PPP1R13B: variants seen among roughly 807,000 people sequenced by gnomAD.
The protein encoded by PPP1R13B is protein phosphatase 1 regulatory subunit 13B, also known as apoptosis-stimulating of p53 protein 1.
A neutral mutation model predicts 119.8 loss-of-function variants in PPP1R13B; 44 were observed. That is an observed-to-expected ratio of 0.37 (90% confidence interval 0.29 to 0.47). The LOEUF (loss-of-function observed/expected upper bound fraction) is 0.47. PPP1R13B is among the 20% of genes least tolerant of loss of function. The probability of loss-of-function intolerance (pLI) is 0.99; values close to 1 mark genes in which losing one functional copy is unlikely to be tolerated. For synonymous variants in PPP1R13B, 542 were observed against 561.5 expected (o/e 0.97, Z 0.49); for missense variants, 1,227 against 1,413.5 (o/e 0.87, Z 2.12).
intron 4 of PPP1R13B, among the ~76,000 whole-genome samples, chr14:103,766,061 C>A (rs568899959): frequency 6.6e-6 from 1 of 150,904 alleles, no homozygotes; most frequent in African/African-American, 2.4e-5. Flanking sequence ...CAGGCTTGAG[C>A]GCAGTGGCGC....
chr14:103,744,758 G>C (rs1201432381), intron 9 of PPP1R13B, among the ~76,000 whole-genome samples: 1 of 152,212 alleles, frequency 6.6e-6, no homozygotes, highest in Non-Finnish European at 1.5e-5. Flanking sequence ...CAAGGGATTA[G>C]AGTCCCTGCC....
chr14:103,763,917 C>A (rs957984396), intron 4 of PPP1R13B: 1 of 152,232 alleles, frequency 6.6e-6, no homozygotes, highest in Admixed American at 6.6e-5. Flanking sequence ...TCTTTCACAC[C>A]TGCTGTGAGG....
chr14:103,762,333 C>T (rs1039351455), intron 4 of PPP1R13B, among the ~76,000 whole-genome samples: 7 of 151,718 alleles, frequency 4.6e-5, no homozygotes, highest in African/African-American at 9.7e-5. Context: ...TAAACATCTA[C>T]TGGCAAATGG....
At chr14:103,838,101 AGAGT>A (rs1453458632) in intron 1 of PPP1R13B, among the ~76,000 whole-genome samples, 1 of 152,196 alleles carries the variant, frequency 6.6e-6, no homozygotes, top group Non-Finnish European at 1.5e-5. Flanking sequence ...CCTGGGCGAC[AGAGT>A]GAGACTCCAT....
upstream of PPP1R13B, among the ~76,000 whole-genome samples, chr14:103,848,727 GGGA>G: frequency 6.6e-6 from 1 of 152,350 alleles, no homozygotes; most frequent in East Asian, 1.9e-4. Context: ...GGCAGAGCAA[GGGA>G]GGAGGCCAGG....
chr14:103,780,671 C>T (rs539560283), intron 3 of PPP1R13B, among the ~76,000 whole-genome samples: 6 of 149,672 alleles, frequency 4.0e-5, no homozygotes, highest in South Asian at 4.2e-4. Flanking sequence ...AAAATTAGCC[C>T]GGCATGGTGG....
At chr14:103,758,284 A>G (rs894022786) in intron 4 of PPP1R13B, among the ~76,000 whole-genome samples, 1 of 152,240 alleles carries the variant, frequency 6.6e-6, no homozygotes, top group African/African-American at 2.4e-5. Flanking sequence ...ATGCAAAGTA[A>G]CATCTAGATG....
chr14:103,735,955 A>T, intron 16 of PPP1R13B, 48 bp downstream of exon 16: 2 of 1,597,774 alleles, frequency 1.3e-6, no homozygotes, highest in Non-Finnish European at 1.7e-6. Context: ...CGCATGCTGT[A>T]CAGAGACACG....
chr14:103,742,341 A>G lies in PPP1R13B; in HGVS notation c.1321-50T>C, dbSNP rs1204033664. 1 of 1,499,896 alleles carries G rather than the reference A, an allele frequency of 6.7e-7. No individual in the cohort carries two copies. The highest frequency in any genetic ancestry group is 2.3e-5 in the East Asian group (1 of 43,968). The allele number at this position is 1,499,896 out of a possible 1,614,324, so 92.9% of individuals were successfully genotyped here. A position where few individuals can be genotyped will look rare whatever the true frequency, so the allele number is the denominator to read the frequency against. ...AACAAAGTCACCCTTTGAACAGTTAAGAATATTTCCACCCACATTCCCAAG... is the reference window on the plus strand; with the variant it reads ...AACAAAGTCACCCTTTGAACAGTTAGGAATATTTCCACCCACATTCCCAAG... On this transcript the variant is annotated intron_variant, in intron 10 of 16. Transcript: ENST00000202556. This position sits in a 1 kb window ranked among gnomAD's most constrained non-coding sequence, Gnocchi z 4.9.
Position 103,847,472 on chromosome 14 carries a change from G to A in PPP1R13B, c.-165C>T. 4.0e-6 allele frequency: 4 copies of A among 989,880 alleles called. No homozygotes were observed. Among genetic ancestry groups the A allele is most frequent in the Non-Finnish European group, 4.8e-6 (4 of 834,120 alleles). 61.3% of individuals were successfully genotyped at this position (989,880 alleles called of 1,614,324 possible). A position where few individuals can be genotyped will look rare whatever the true frequency, so the allele number is the denominator to read the frequency against. ...GCGGCGGGCTGCGGGGCTCTCGCTG[G>A]CCCTGTCGCGGCCGCCGGCGCGCTG... On this transcript the variant is annotated 5_prime_UTR_variant, in exon 1 of 17. Coordinates refer to ENST00000202556, the MANE Select transcript of PPP1R13B (RefSeq NM_015316.3).
At chr14:103,835,279 T>C (rs904683973) in intron 1 of PPP1R13B, among the ~76,000 whole-genome samples, 2 of 152,154 alleles carry the variant, frequency 1.3e-5, no homozygotes, top group East Asian at 1.9e-4. Flanking sequence ...TCAGCCACCA[T>C]GTCCAGCTAA....
At chr14:103,762,785 CG>C (rs1423462107) in intron 4 of PPP1R13B, 1 of 747,682 alleles carries the variant, frequency 1.3e-6, no homozygotes, top group Non-Finnish European at 2.4e-6. Context: ...GTGGTGGCGG[CG>C]GCCGCCCGCT....
chr14:103,825,910 T>C (rs2086528675), intron 1 of PPP1R13B, among the ~76,000 whole-genome samples: 1 of 151,582 alleles, frequency 6.6e-6, no homozygotes, highest in Non-Finnish European at 1.5e-5. Flanking sequence ...AGTGGCGCAA[T>C]CTTGGCTCAC....
At chr14:103,818,446 T>A (rs2086329010) in intron 1 of PPP1R13B, 2 of 950,006 alleles carry the variant, frequency 2.1e-6, no homozygotes, top group African/African-American at 3.5e-5. Context: ...TTATGGAGAA[T>A]GACTGAATTT....
chr14:103,776,096 T>C (rs1288654217), intron 4 of PPP1R13B, among the ~76,000 whole-genome samples: 1 of 149,894 alleles, frequency 6.7e-6, no homozygotes, highest in Non-Finnish European at 1.5e-5. Flanking sequence ...ATACAAATAT[T>C]GTCAACCTTT....
chr14:103,769,623 T>G (rs2085019093), intron 4 of PPP1R13B, among the ~76,000 whole-genome samples: 1 of 152,156 alleles, frequency 6.6e-6, no homozygotes, highest in South Asian at 2.1e-4. Context: ...AATGCAAAAC[T>G]CTAGCAAAAT....
intron 1 of PPP1R13B, among the ~76,000 whole-genome samples, chr14:103,801,565 C>T (rs1261085950): frequency 5.9e-5 from 9 of 152,202 alleles, no homozygotes; most frequent in African/African-American, 2.2e-4. Context: ...ACCGCCTCCG[C>T]TCACCAGGGA....
intron 4 of PPP1R13B, among the ~76,000 whole-genome samples, chr14:103,763,711 C>T (rs2084869242): frequency 6.6e-6 from 1 of 152,086 alleles, no homozygotes; most frequent in Non-Finnish European, 1.5e-5. Flanking sequence ...GTTATTTTAG[C>T]AAATACATAG....
At chr14:103,794,328 GTTT>G (rs60972985) in intron 2 of PPP1R13B, among the ~76,000 whole-genome samples, 9,093 of 140,666 alleles carry the variant, frequency 0.065, 836 homozygotes, top group African/African-American at 0.21. Context: ...TTTGTTTTTT[GTTT>G]TTTTTTTTTT....
Sources: gnomAD v4.1 joint callset for allele counts (sites outside exome capture counted in the v4.1 genomes callset) on GRCh38, gnomAD v4.1.1 for gene constraint, Gnocchi (gnomAD v3.1) non-coding constraint, MANE v1.5 for transcripts, NCBI Gene and HGNC (gene_info 2026-07-23, HGNC 2026-07-21) for gene names.